Variants in CDKAL1 observed in about 807,000 individuals in gnomAD.
CDKAL1 encodes the protein CDKAL1 threonylcarbamoyladenosine tRNA methylthiotransferase, also known as threonylcarbamoyladenosine tRNA methylthiotransferase.
Under a neutral mutation model 68.2 loss-of-function variants are expected in CDKAL1, and 32 were observed. The observed-to-expected ratio is 0.47, with a 90% confidence interval of 0.35 to 0.63. The LOEUF (loss-of-function observed/expected upper bound fraction) is 0.63. Ranked by LOEUF, CDKAL1 falls within the 30% of genes least tolerant of loss-of-function variation. The probability of loss-of-function intolerance (pLI) is 0.00; values close to 1 mark genes in which losing one functional copy is unlikely to be tolerated. For missense variants in CDKAL1, 606 were observed against 696.7 expected (o/e 0.87, Z 1.47); for synonymous variants, 234 against 244.3 (o/e 0.96, Z 0.39).
chr6:21,099,276 A>C lies in CDKAL1; in HGVS notation c.1237-9125A>C, dbSNP rs139914073. Among the ~76,000 whole-genome samples the C allele has an allele frequency of 5.8e-3, 880 of 152,306 alleles. 8 individuals carry two copies. Among genetic ancestry groups the C allele is most frequent in the African/African-American group, 0.02 (828 of 41,560 alleles). ...CAGCTTTATAGGCCATACATTTTCT[A>C]TTGCAGCCATTCAACTTTGCCATCA... On this transcript the variant is annotated intron_variant, in intron 12 of 15. Transcript: ENST00000274695.
intron 4 of CDKAL1, among the ~76,000 whole-genome samples, chr6:20,565,189 A>T (rs575703102): frequency 3.9e-4 from 59 of 152,122 alleles, no homozygotes; most frequent in Non-Finnish European, 7.5e-4. Flanking sequence ...TGATTTTTAC[A>T]GGGGTGAAAA....
rs144731907 is a variant in CDKAL1, at chr6:20,721,506, T to C, written c.372-18013T>C. On this transcript the variant is annotated intron_variant, in intron 5 of 15. Coordinates refer to ENST00000274695, the MANE Select transcript of CDKAL1 (RefSeq NM_017774.3). The stretch of plus-strand genomic sequence containing the variant: ...TGATTCTATGTCTTTGCTATTGTAA[T>C]TAGTGCTACAATAAATATGTAAGTG... Among the ~76,000 whole-genome samples the C allele has an allele frequency of 9.8e-3, 1,498 of 152,264 alleles. 20 individuals are homozygous for C. The highest frequency in any genetic ancestry group is 0.034 in the African/African-American group (1,420 of 41,546).
chr6:21,063,175 A>T (rs1399404265), intron 11 of CDKAL1, among the ~76,000 whole-genome samples: 5 of 152,210 alleles, frequency 3.3e-5, no homozygotes, highest in African/African-American at 1.2e-4. Flanking sequence ...TTGGCCTCCC[A>T]GAGTGCTGGG....
At chr6:21,158,041 T>C (rs1582321709) in intron 13 of CDKAL1, among the ~76,000 whole-genome samples, 1 of 152,252 alleles carries the variant, frequency 6.6e-6, no homozygotes, top group South Asian at 2.1e-4. Flanking sequence ...CTGGCTTTCC[T>C]CTCTGTTATT....
intron 4 of CDKAL1, among the ~76,000 whole-genome samples, chr6:20,646,165 T>C (rs529568626): frequency 1.3e-5 from 2 of 150,136 alleles, no homozygotes; most frequent in South Asian, 2.1e-4. Flanking sequence ...CAAGCAATTC[T>C]TCTGCCTCAG....
At chr6:20,629,283 T>C (rs1767569406) in intron 4 of CDKAL1, among the ~76,000 whole-genome samples, 1 of 152,152 alleles carries the variant, frequency 6.6e-6, no homozygotes, top group African/African-American at 2.4e-5. Flanking sequence ...GAAATGATGC[T>C]TTTTTTCTCT....
chr6:21,040,366 C>T (rs990770697), intron 11 of CDKAL1, among the ~76,000 whole-genome samples: 2 of 152,088 alleles, frequency 1.3e-5, no homozygotes, highest in Non-Finnish European at 2.9e-5. Flanking sequence ...AAGTCTTGTA[C>T]CCCTATGATA....
chr6:20,899,925 G>A (rs1303398066), intron 9 of CDKAL1, among the ~76,000 whole-genome samples: 1 of 152,208 alleles, frequency 6.6e-6, no homozygotes, highest in African/African-American at 2.4e-5. Flanking sequence ...AGGAAACTAA[G>A]GCAAAGAGGA....
chr6:21,195,909 C>CACTATGAATTAGTG lies in CDKAL1; in HGVS notation c.1300-2112_1300-2111insACTATGAATTAGTG, dbSNP rs1348136731. On this transcript the variant is annotated intron_variant, in intron 13 of 15. Transcript: ENST00000274695. ...AATAGGATGACTGAAAAGGTGTTTG[C>CACTATGAATTAGTG]CACTATGAATTAGTGCACATTGCGG... 4.2e-4 allele frequency among the ~76,000 whole-genome samples: 64 copies of CACTATGAATTAGTG among 152,252 alleles called. No homozygotes were observed. In the East Asian group the frequency reaches 0.01, roughly 24 times the overall value.
At chr6:20,548,321 C>T (rs142468497) in intron 3 of CDKAL1, among the ~76,000 whole-genome samples, 1,733 of 151,936 alleles carry the variant, frequency 0.011, 31 homozygotes, top group African/African-American at 0.038. Flanking sequence ...TCACTTGAGC[C>T]CAGGAGTTCA....
intron 9 of CDKAL1, among the ~76,000 whole-genome samples, chr6:20,921,133 A>T: frequency 6.6e-6 from 1 of 152,080 alleles, no homozygotes; most frequent in Non-Finnish European, 1.5e-5. Context: ...CCTGTCTTTA[A>T]AAAAAATAAT....
intron 11 of CDKAL1, among the ~76,000 whole-genome samples, chr6:21,047,301 G>A (rs755833147): frequency 8.5e-5 from 13 of 152,096 alleles, no homozygotes; most frequent in Admixed American, 4.6e-4. Flanking sequence ...GAAGCCAGGC[G>A]CTGGAGCCAA....
intron 9 of CDKAL1, among the ~76,000 whole-genome samples, chr6:20,936,306 A>G (rs1214458968): frequency 1.8e-4 from 21 of 119,304 alleles, no homozygotes; most frequent in Non-Finnish European, 2.6e-4. Context: ...GCTGGAGTGC[A>G]GTGGCGGGAT....
intron 9 of CDKAL1, among the ~76,000 whole-genome samples, chr6:20,891,758 C>T (rs1761415765): frequency 6.6e-6 from 1 of 152,130 alleles, no homozygotes; most frequent in South Asian, 2.1e-4. Context: ...TGGTCTTGAT[C>T]TCTTGACCTC....
chr6:20,703,025 A>C (rs1013913116), intron 5 of CDKAL1, among the ~76,000 whole-genome samples: 7 of 152,212 alleles, frequency 4.6e-5, no homozygotes, highest in Admixed American at 4.6e-4. Flanking sequence ...TTTGTCTAAG[A>C]ATCTCACAAC....
chr6:21,041,450 AAG>A (rs1320546731), intron 11 of CDKAL1, among the ~76,000 whole-genome samples: 3 of 152,178 alleles, frequency 2.0e-5, no homozygotes, highest in Non-Finnish European at 4.4e-5. Flanking sequence ...AATTTGTAAA[AAG>A]TAATCGAAAC....
chr6:20,811,921 C>T (rs1340449032), intron 8 of CDKAL1, among the ~76,000 whole-genome samples: 1 of 151,948 alleles, frequency 6.6e-6, no homozygotes, highest in East Asian at 1.9e-4. Flanking sequence ...TTTCTTTTTA[C>T]ATCCCTTTAC....
chr6:21,043,329 GTGTA>G (rs1375562193), intron 11 of CDKAL1, among the ~76,000 whole-genome samples: 2 of 139,690 alleles, frequency 1.4e-5, no homozygotes, highest in Non-Finnish European at 3.2e-5. Context: ...ATATATGTGT[GTGTA>G]TGTGTGTGTG....
intron 12 of CDKAL1, among the ~76,000 whole-genome samples, chr6:21,084,309 C>A (rs542471462): frequency 6.6e-6 from 1 of 151,916 alleles, no homozygotes; most frequent in East Asian, 1.9e-4. Context: ...TATACAGTGA[C>A]GGAGGAGCAA....
Sources: allele counts gnomAD v4.1 joint callset (sites outside exome capture counted in the v4.1 genomes callset), GRCh38; gene constraint gnomAD v4.1.1; transcripts MANE v1.5; gene names NCBI Gene and HGNC (gene_info 2026-07-23, HGNC 2026-07-21).